The following SEMA5A variants were observed in gnomAD, a reference collection of about 807,000 sequenced individuals.
The protein encoded by SEMA5A is semaphorin 5A, also known as semaphorin-5A.
A neutral mutation model predicts 135.5 loss-of-function variants in SEMA5A; 55 were observed. The observed-to-expected ratio is 0.41, with a 90% CI of 0.33 to 0.51. The LOEUF is 0.51. Ranked by LOEUF, SEMA5A falls within the 20% of genes least tolerant of loss-of-function variation. The pLI is 0.37. For synonymous variants in SEMA5A, 580 were observed against 546.5 expected (o/e 1.06, Z -0.85); for missense variants, 1,290 against 1,419.9 (o/e 0.91, Z 1.47).
At chr5:9,520,549 G>A (rs1736770617) in intron 1 of SEMA5A, among the ~76,000 whole-genome samples, 1 of 152,042 alleles carries the variant, frequency 6.6e-6, no homozygotes, top group Non-Finnish European at 1.5e-5. Context: ...CCAGCATCTG[G>A]GCCTATTGAA....
chr5:9,238,893 T>C (rs1162068792), intron 5 of SEMA5A, among the ~76,000 whole-genome samples: 1 of 152,214 alleles, frequency 6.6e-6, no homozygotes, highest in African/African-American at 2.4e-5. Flanking sequence ...GACTTTTTTC[T>C]GTTAATTTGG....
intron 2 of SEMA5A, among the ~76,000 whole-genome samples, chr5:9,431,290 T>G (rs1055069176): frequency 1.3e-5 from 2 of 152,182 alleles, no homozygotes; most frequent in Admixed American, 1.3e-4. Flanking sequence ...GTAAACAACT[T>G]AGATCAACCC....
At position 9,041,577 on chromosome 5, in the gene SEMA5A, T is replaced by C. The variant is rs1381592173; in HGVS notation, c.*1320A>G. 1.3e-5 allele frequency: 2 copies of C among 152,262 alleles called. No individual in the cohort carries two copies. Among genetic ancestry groups the C allele is most frequent in the Non-Finnish European group, 2.9e-5 (2 of 68,068 alleles). The allele number at this position is 152,262 out of a possible 1,614,324, so 9.4% of individuals were successfully genotyped here. A position where few individuals can be genotyped will look rare whatever the true frequency, so the allele number is the denominator to read the frequency against. On this transcript the variant is annotated 3_prime_UTR_variant, in exon 23 of 23. Transcript: ENST00000382496. ...GAGACCACAGGGATCCCAAAAACCC[T>C]TACTTCCAGCTATCCTGACTTCCCA...
intron 1 of SEMA5A, among the ~76,000 whole-genome samples, chr5:9,515,990 G>A (rs182135015): frequency 2.0e-5 from 3 of 152,154 alleles, no homozygotes; most frequent in African/African-American, 2.4e-5. Flanking sequence ...ATATAGTTAC[G>A]ACATTTGTGA....
At chr5:9,068,259 A>G (rs1013985542) in intron 16 of SEMA5A, among the ~76,000 whole-genome samples, 5 of 152,238 alleles carry the variant, frequency 3.3e-5, no homozygotes, top group Non-Finnish European at 7.3e-5. Flanking sequence ...GAAGGTCTGT[A>G]GCACAGAGAA....
At chr5:9,075,481 C>T (rs188061392) in intron 16 of SEMA5A, among the ~76,000 whole-genome samples, 23 of 149,024 alleles carry the variant, frequency 1.5e-4, no homozygotes, top group Admixed American at 1.5e-3. Flanking sequence ...TATTAATCAG[C>T]AATTAAAAGA....
At chr5:9,515,634 C>T (rs1203267134) in intron 1 of SEMA5A, among the ~76,000 whole-genome samples, 1 of 152,144 alleles carries the variant, frequency 6.6e-6, no homozygotes, top group East Asian at 1.9e-4. Flanking sequence ...ACACCCCGGC[C>T]AGTCCAAAGG....
Position 9,429,988 on chromosome 5 carries a change from C to T in SEMA5A, c.-78+7768G>A, listed in dbSNP as rs114682720. 6.4e-3 allele frequency among the ~76,000 whole-genome samples: 977 copies of T among 152,304 alleles called. 9 individuals are homozygous for T. Among genetic ancestry groups the T allele is most frequent in the African/African-American group, 0.022 (907 of 41,574 alleles). On this transcript the variant is annotated intron_variant, in intron 2 of 22. Coordinates refer to ENST00000382496, the MANE Select transcript of SEMA5A (RefSeq NM_003966.3). The stretch of plus-strand genomic sequence containing the variant: ...AGGCCCAAGAGCAGAAGCAGCGAGA[C>T]GGCCGGAAGACCTGAGAACTCACGG...
chr5:9,440,453 T>C (rs1002170149), intron 1 of SEMA5A, among the ~76,000 whole-genome samples: 2 of 152,212 alleles, frequency 1.3e-5, no homozygotes, highest in Non-Finnish European at 2.9e-5. Flanking sequence ...CTTATTCTTT[T>C]CTCTTTTAGC....
chr5:9,197,612 A>G (rs1745465715), intron 9 of SEMA5A, among the ~76,000 whole-genome samples: 1 of 152,170 alleles, frequency 6.6e-6, no homozygotes, highest in African/African-American at 2.4e-5. Flanking sequence ...TTCACCTTTC[A>G]AATTCTGGAA....
chr5:9,462,164 C>T (rs1759081605), intron 1 of SEMA5A, among the ~76,000 whole-genome samples: 1 of 152,104 alleles, frequency 6.6e-6, no homozygotes, highest in African/African-American at 2.4e-5. Flanking sequence ...AAAATTGCCT[C>T]TTACATGAGC....
chr5:9,081,769 A>G (rs925690977), intron 16 of SEMA5A, among the ~76,000 whole-genome samples: 1 of 152,180 alleles, frequency 6.6e-6, no homozygotes. Flanking sequence ...TGTGTTGACA[A>G]TTTGTACTTC....
rs187867917 is a variant in SEMA5A, at chr5:9,404,114, A to G, written c.-77-24091T>C. On this transcript the variant is annotated intron_variant, in intron 2 of 22. Transcript: ENST00000382496. ...CATGCCAGGCTAATTTTGTATTTTT[A>G]GTAGAGATGCGGTTTCACCATGTTG... is the stretch of plus-strand genomic sequence containing the variant. 2.0e-5 allele frequency among the ~76,000 whole-genome samples: 3 copies of G among 152,240 alleles called. No homozygotes were observed. In the East Asian group the frequency reaches 5.8e-4, roughly 30 times the overall value.
At chr5:9,225,427 C>A (rs1287584562) in intron 7 of SEMA5A, among the ~76,000 whole-genome samples, 2 of 144,172 alleles carry the variant, frequency 1.4e-5, no homozygotes, top group Non-Finnish European at 3.0e-5. Flanking sequence ...AAATTAGCCA[C>A]GCATGGTGGC....
At chr5:9,343,607 T>C (rs1473664421) in intron 3 of SEMA5A, among the ~76,000 whole-genome samples, 1 of 152,174 alleles carries the variant, frequency 6.6e-6, no homozygotes, top group Non-Finnish European at 1.5e-5. Context: ...CTCCCTTCTA[T>C]GGACTTCATT....
rs191840618 is a variant in SEMA5A at position 9,039,937 on chromosome 5, A to G, written c.*2960T>C. 2 of 152,334 alleles carry G rather than the reference A, an allele frequency of 1.3e-5. No homozygotes were observed. The highest frequency in any genetic ancestry group is 4.8e-5 in the African/African-American group (2 of 41,562). 9.4% of individuals were successfully genotyped at this position (152,334 alleles called of 1,614,324 possible). On this transcript the variant is annotated 3_prime_UTR_variant, in exon 23 of 23. Coordinates refer to ENST00000382496, the MANE Select transcript of SEMA5A (RefSeq NM_003966.3). ...AGATGGTGATGAGTCTGGCCTCAAG[A>G]AAGGACCCTGAATAGCACTGGGAGC...
rs565361790 is a variant in SEMA5A at position 9,249,626 on chromosome 5, A to T, written c.271-11736T>A. ...GGAAAATTATTTCTTCCTGCCCTAC[A>T]ATATATATGAAAGATGTAGTTGTTG... On this transcript the variant is annotated intron_variant, in intron 5 of 22. Coordinates refer to ENST00000382496, the MANE Select transcript of SEMA5A (RefSeq NM_003966.3). Among the ~76,000 whole-genome samples, 4 of 152,290 alleles carry T rather than the reference A, an allele frequency of 2.6e-5. No homozygotes were observed. In the South Asian group the frequency reaches 8.3e-4, roughly 32 times the overall value.
At chr5:9,078,493 A>G (rs1006478169) in intron 16 of SEMA5A, among the ~76,000 whole-genome samples, 2 of 151,956 alleles carry the variant, frequency 1.3e-5, no homozygotes, top group Non-Finnish European at 2.9e-5. Flanking sequence ...ACAATAATGC[A>G]TGGGGACATT....
At chr5:9,313,260 G>A (rs539147988) in intron 5 of SEMA5A, among the ~76,000 whole-genome samples, 1 of 152,174 alleles carries the variant, frequency 6.6e-6, no homozygotes, top group Non-Finnish European at 1.5e-5. Flanking sequence ...CAAGTGGTTA[G>A]TATGTAAGGA....
Sources: gnomAD v4.1 joint callset for allele counts (sites outside exome capture counted in the v4.1 genomes callset) on GRCh38, gnomAD v4.1.1 for gene constraint, MANE v1.5 for transcripts, NCBI Gene and HGNC (gene_info 2026-07-23, HGNC 2026-07-21) for gene names.